Variants in CAMK2D observed in about 807,000 individuals in gnomAD.
The protein encoded by CAMK2D is calcium/calmodulin dependent protein kinase II delta, also known as calcium/calmodulin-dependent protein kinase type II subunit delta.
In CAMK2D, 37 loss-of-function variants were observed where a neutral mutation model predicts 84.0. The observed-to-expected ratio is 0.44, with a 90% CI of 0.34 to 0.58. The LOEUF (loss-of-function observed/expected upper bound fraction) is 0.58. Ranked by LOEUF, CAMK2D falls within the 20% of genes least tolerant of loss-of-function variation. CAMK2D has a pLI of 0.02. For synonymous variants in CAMK2D, 202 were observed against 212.5 expected (o/e 0.95, Z 0.43); for missense variants, 448 against 652.5 (o/e 0.69, Z 3.41).
intron 3 of CAMK2D, among the ~76,000 whole-genome samples, chr4:113,621,784 T>C (rs985836541): frequency 3.9e-5 from 6 of 152,244 alleles, no homozygotes; most frequent in African/African-American, 1.4e-4. Flanking sequence ...TTTGTAATTC[T>C]GCATTCTGGA....
Position 113,544,791 on chromosome 4 carries a change from C to G in CAMK2D, c.414+2853G>C, listed in dbSNP as rs373060505. Reference sequence around the variant, plus strand: ...ATTATCTAGATCTACATTAATTGGCCTGCCACTGGACACACCTCAGACAAA... The same window carrying G: ...ATTATCTAGATCTACATTAATTGGCGTGCCACTGGACACACCTCAGACAAA... On this transcript the variant is annotated intron_variant, in intron 6 of 20. Coordinates refer to ENST00000511664, the MANE Select transcript of CAMK2D (RefSeq NM_001321571.2). Among the ~76,000 whole-genome samples the G allele has an allele frequency of 5.3e-5, 8 of 152,096 alleles. No individual in the cohort carries two copies. In the East Asian group the frequency reaches 9.6e-4, roughly 18 times the overall value.
At chr4:113,641,915 C>T (rs914079788) in intron 3 of CAMK2D, among the ~76,000 whole-genome samples, 3 of 152,066 alleles carry the variant, frequency 2.0e-5, no homozygotes, top group East Asian at 3.9e-4. Flanking sequence ...AAGGCTGAGG[C>T]AGGAGAATCA....
At chr4:113,660,450 G>T (rs1405207483) in intron 3 of CAMK2D, among the ~76,000 whole-genome samples, 3 of 152,074 alleles carry the variant, frequency 2.0e-5, no homozygotes, top group Admixed American at 1.3e-4. Context: ...CAGGCTGTCT[G>T]AAGTGCATGG....
At chr4:113,595,455 T>A (rs1013535610) in intron 4 of CAMK2D, among the ~76,000 whole-genome samples, 1 of 151,898 alleles carries the variant, frequency 6.6e-6, no homozygotes, top group African/African-American at 2.4e-5. Flanking sequence ...TGTGTGTGTG[T>A]GTGTGTGTGT....
Position 113,511,670 on chromosome 4 carries a change from C to T in CAMK2D, c.946+1658G>A, listed in dbSNP as rs1045133780. On this transcript the variant is annotated intron_variant, in intron 12 of 20. Coordinates refer to ENST00000511664, the MANE Select transcript of CAMK2D (RefSeq NM_001321571.2). ...TTTAATGATATGGCATTGAACTCAC[C>T]CATATAAATGTCAACTATATTAATC... Among the ~76,000 whole-genome samples the T allele has an allele frequency of 1.3e-4, 20 of 152,054 alleles. 1 individual carries two copies. Among genetic ancestry groups the T allele is most frequent in the South Asian group, 4.2e-4 (2 of 4,802 alleles).
chr4:113,520,056 T>C (rs1339208007), intron 8 of CAMK2D, among the ~76,000 whole-genome samples: 1 of 152,204 alleles, frequency 6.6e-6, no homozygotes, highest in Non-Finnish European at 1.5e-5. Context: ...AAATGTTCCT[T>C]GCAGCTACTT....
At chr4:113,727,450 T>C (rs531366320) in intron 2 of CAMK2D, among the ~76,000 whole-genome samples, 3 of 152,264 alleles carry the variant, frequency 2.0e-5, no homozygotes, top group African/African-American at 7.2e-5. Flanking sequence ...GGAATAATGA[T>C]GTTGGAACAA....
chr4:113,457,375 C>T lies in CAMK2D; in HGVS notation c.1495G>A (p.Val499Ile), dbSNP rs1259562371. The T allele has an allele frequency of 6.2e-7, 1 of 1,613,776 alleles. No individual in the cohort carries two copies. The highest frequency in any genetic ancestry group is 8.5e-7 in the Non-Finnish European group (1 of 1,179,758). ...WHRRDGKWQN[V>I]HFHRSGSPTV... is the part of the protein sequence containing the mutation. The stretch of plus-strand genomic sequence containing the variant: ...GGTGACCCCGAGCGATGAAAATGAA[C>T]ATTCTGCCACTTTCCATCCCGGCGG... The change falls in exon 19 of 21, where the codon GTT becomes ATT. Residue 499 changes from valine (V) to isoleucine (I), a missense_variant. By Grantham distance (29) the Val-to-Ile change is conservative (BLOSUM62 3). Around this residue, in one of 7 missense-constraint regions of CAMK2D, gnomAD observed 219 missense variants for 272.1 expected, o/e 0.80. Coordinates refer to ENST00000511664, the MANE Select transcript of CAMK2D (RefSeq NM_001321571.2).
chr4:113,669,002 T>G (rs1191882743), intron 2 of CAMK2D, among the ~76,000 whole-genome samples: 1 of 152,180 alleles, frequency 6.6e-6, no homozygotes, highest in Non-Finnish European at 1.5e-5. Flanking sequence ...AATATTGATA[T>G]TTGATGGCAC....
rs2097265609 is a variant in CAMK2D at position 113,452,660 on chromosome 4, A to AG, written c.*1884_*1885insC. On this transcript the variant is annotated 3_prime_UTR_variant, in exon 21 of 21. Coordinates refer to ENST00000511664, the MANE Select transcript of CAMK2D (RefSeq NM_001321571.2). The stretch of plus-strand genomic sequence containing the variant: ...ATGCTAAGTTAAAAGTGTAAAAAAA[A>AG]CACTCTACATCTATTTTTTTTTCTT... The AG allele has an allele frequency of 6.6e-6, 1 of 152,558 alleles. No homozygotes were observed. The highest frequency in any genetic ancestry group is 1.5e-5 in the Non-Finnish European group (1 of 68,024). 9.5% of individuals were successfully genotyped at this position (152,558 alleles called of 1,614,324 possible).
intron 12 of CAMK2D, among the ~76,000 whole-genome samples, 162 bp from the exon 13 acceptor site, chr4:113,509,837 C>T (rs1375591766): frequency 6.6e-6 from 1 of 152,164 alleles, no homozygotes; most frequent in African/African-American, 2.4e-5. Flanking sequence ...GCTTACAGGA[C>T]ATTGAAATAC....
chr4:113,514,918 AAATT>A (rs1261098798), intron 10 of CAMK2D, 147 bp downstream of exon 10: 2 of 708,974 alleles, frequency 2.8e-6, no homozygotes, highest in African/African-American at 3.6e-5. Context: ...CACCATCATA[AAATT>A]AATTTTCTTA....
chr4:113,705,623 A>G (rs72895979), intron 2 of CAMK2D, among the ~76,000 whole-genome samples: 2,994 of 152,252 alleles, frequency 0.02, 113 homozygotes, highest in African/African-American at 0.068. Context: ...CTTTCTCATA[A>G]ATGTACAATT....
intron 16 of CAMK2D, among the ~76,000 whole-genome samples, chr4:113,494,742 G>A (rs1192129776): frequency 2.0e-5 from 3 of 152,134 alleles, no homozygotes; most frequent in East Asian, 1.9e-4. Flanking sequence ...CCCCAGCCTC[G>A]CTGCCGCCTT....
chr4:113,725,741 GA>G (rs1250937383), intron 2 of CAMK2D, among the ~76,000 whole-genome samples: 1 of 151,236 alleles, frequency 6.6e-6, no homozygotes, highest in East Asian at 1.9e-4. Flanking sequence ...ACTGGATTTA[GA>G]AAAAAAAATT....
intron 3 of CAMK2D, among the ~76,000 whole-genome samples, chr4:113,612,264 T>C (rs1327648574): frequency 1.3e-5 from 2 of 152,236 alleles, no homozygotes; most frequent in African/African-American, 4.8e-5. Flanking sequence ...ACATCATCTA[T>C]TTCTCTTCAA....
At chr4:113,518,204 T>C (rs1335345568) in intron 8 of CAMK2D, among the ~76,000 whole-genome samples, 1 of 152,124 alleles carries the variant, frequency 6.6e-6, no homozygotes, top group Non-Finnish European at 1.5e-5. Flanking sequence ...AGTCTTCAAA[T>C]ACTTCAAGCC....
intron 3 of CAMK2D, 35 bp from the exon 4 acceptor site, chr4:113,609,241 AC>A (rs776315781): frequency 1.8e-6 from 2 of 1,113,800 alleles, no homozygotes; most frequent in South Asian, 1.2e-5. Context: ...ATTGTGTTAT[AC>A]CTATTCCAAC....
At chr4:113,756,344 G>C (rs1470971087) in intron 2 of CAMK2D, among the ~76,000 whole-genome samples, 2 of 151,904 alleles carry the variant, frequency 1.3e-5, no homozygotes, top group Non-Finnish European at 2.9e-5. Context: ...AGTGGAGTTG[G>C]AGGACCTGCC....
Sources: gnomAD v4.1 joint callset for allele counts (sites outside exome capture counted in the v4.1 genomes callset) on GRCh38, gnomAD v4.1.1 for gene constraint, gnomAD v4.1.1 regional missense constraint, MANE v1.5 for transcripts, NCBI Gene and HGNC (gene_info 2026-07-23, HGNC 2026-07-21) for gene names.